Variants in ROBO2 observed in about 807,000 individuals in gnomAD.
The protein encoded by ROBO2 is roundabout homolog 2.
ROBO2 carries 53 observed loss-of-function variants against 160.8 expected under a neutral mutation model. The ratio of observed to expected loss-of-function variants is 0.33; its 90% CI spans 0.26 to 0.41. The LOEUF (loss-of-function observed/expected upper bound fraction) is 0.41. ROBO2 is among the 10% of genes least tolerant of loss of function. ROBO2 has a pLI of 1.00. For missense variants in ROBO2, 1,577 were observed against 1,722.4 expected, an observed-to-expected ratio of 0.92 and a Z score of 1.49; for synonymous variants, 664 against 611.7, an observed-to-expected ratio of 1.09 and a Z score of -1.26.
At chr3:75,978,212 A>T (rs1387554481) in intron 2 of ROBO2, among the ~76,000 whole-genome samples, 8 of 151,514 alleles carry the variant, frequency 5.3e-5, no homozygotes. Flanking sequence ...GGCTTTTGTT[A>T]AACATTTCAC....
chr3:77,415,056 C>T (rs1346630505), intron 2 of ROBO2, among the ~76,000 whole-genome samples: 1 of 152,164 alleles, frequency 6.6e-6, no homozygotes, highest in Non-Finnish European at 1.5e-5. Context: ...GATCCCACAA[C>T]AGGAAAGAAT....
intron 24 of ROBO2, among the ~76,000 whole-genome samples, chr3:77,640,498 A>G (rs1475714641): frequency 1.3e-5 from 2 of 152,202 alleles, no homozygotes; most frequent in Non-Finnish European, 1.5e-5. Flanking sequence ...GGAACTGTCC[A>G]GTGTAGCTCT....
At chr3:76,283,151 TAAAACTAC>T (rs1559717376) in intron 2 of ROBO2, among the ~76,000 whole-genome samples, 9 of 137,500 alleles carry the variant, frequency 6.5e-5, no homozygotes, top group East Asian at 2.3e-4. Context: ...TATATATATA[TAAAACTAC>T]ATATATATAG....
intron 2 of ROBO2, among the ~76,000 whole-genome samples, chr3:77,399,124 G>A (rs2075567212): frequency 6.6e-6 from 1 of 151,958 alleles, no homozygotes; most frequent in East Asian, 1.9e-4. Flanking sequence ...CCTTCTTTCA[G>A]TTCTCATTAG....
intron 1 of ROBO2, among the ~76,000 whole-genome samples, chr3:75,934,071 C>T (rs944342346): frequency 6.6e-6 from 1 of 152,130 alleles, no homozygotes; most frequent in African/African-American, 2.4e-5. Flanking sequence ...TTGGATAAGA[C>T]GAGAAGTAAT....
In ROBO2 at chr3:77,119,882, T is replaced by C. The variant is rs75209318; in HGVS notation, c.388+21542T>C. Among the ~76,000 whole-genome samples, 851 of 152,348 alleles carry C rather than the reference T, an allele frequency of 5.6e-3. 7 individuals are homozygous for C. The highest frequency in any genetic ancestry group is 0.018 in the African/African-American group (768 of 41,572). Reference sequence around the variant, plus strand: ...CACATTGACATTGTCCAGTTTCATATAGTAAAATGTAATTCAGAAAGACAC... The same window carrying C: ...CACATTGACATTGTCCAGTTTCATACAGTAAAATGTAATTCAGAAAGACAC... On this transcript the variant is annotated intron_variant, in intron 2 of 25. Coordinates refer to ENST00000461745, the Ensembl canonical transcript of ROBO2.
intron 2 of ROBO2, among the ~76,000 whole-genome samples, chr3:76,960,061 A>G (rs1377048686): frequency 1.3e-5 from 2 of 152,076 alleles, no homozygotes; most frequent in South Asian, 2.1e-4. Context: ...GATTTGATAT[A>G]TTTTCTGAGT....
chr3:76,893,295 T>C (rs2074498820), intron 2 of ROBO2, among the ~76,000 whole-genome samples: 1 of 146,792 alleles, frequency 6.8e-6, no homozygotes, highest in Non-Finnish European at 1.5e-5. Flanking sequence ...AAAACAAATT[T>C]AGAACTTTTC....
intron 2 of ROBO2, among the ~76,000 whole-genome samples, chr3:76,449,861 T>C (rs1475799342): frequency 6.6e-6 from 1 of 152,088 alleles, no homozygotes; most frequent in African/African-American, 2.4e-5. Flanking sequence ...ATATTGGATA[T>C]TTACAACATA....
At chr3:77,030,937 C>T (rs1040914133) in intron 2 of ROBO2, among the ~76,000 whole-genome samples, 3 of 152,164 alleles carry the variant, frequency 2.0e-5, no homozygotes, top group Admixed American at 2.0e-4. Flanking sequence ...AGTCATTTTG[C>T]TTTAGCCGGC....
At chr3:77,327,229 G>A (rs920453554) in intron 2 of ROBO2, among the ~76,000 whole-genome samples, 1 of 152,144 alleles carries the variant, frequency 6.6e-6, no homozygotes, top group African/African-American at 2.4e-5. Context: ...CATAGCGGCA[G>A]TTCTATGAGA....
chr3:77,283,660 A>T (rs1324042395), intron 2 of ROBO2, among the ~76,000 whole-genome samples: 6 of 152,172 alleles, frequency 3.9e-5, no homozygotes, highest in Non-Finnish European at 8.8e-5. Context: ...AGATCAGTGA[A>T]ATCTAGCTTT....
intron 2 of ROBO2, among the ~76,000 whole-genome samples, chr3:76,254,980 G>C (rs551959161): frequency 1.6e-4 from 25 of 152,066 alleles, no homozygotes; most frequent in African/African-American, 6.0e-4. Context: ...AAGAGAACTT[G>C]GTAATTGATG....
intron 2 of ROBO2, among the ~76,000 whole-genome samples, chr3:76,591,023 G>T (rs1003016451): frequency 2.5e-4 from 38 of 152,120 alleles, no homozygotes; most frequent in African/African-American, 9.2e-4. Context: ...GAGGTTTGGG[G>T]TTGCCTACTC....
chr3:77,534,807 T>C (rs979993578), intron 6 of ROBO2, among the ~76,000 whole-genome samples: 31 of 152,212 alleles, frequency 2.0e-4, no homozygotes, highest in African/African-American at 7.2e-4. Flanking sequence ...TAGCTCTTTG[T>C]CAGTAAATAC....
At chr3:75,992,501 A>G (rs596147) in intron 2 of ROBO2, among the ~76,000 whole-genome samples, 117,565 of 152,120 alleles carry the variant, frequency 0.77, 46,622 homozygotes, top group East Asian at 0.97. Flanking sequence ...AGGATGTATG[A>G]AACCATCTGT....
At chr3:77,476,522 A>C (rs945805119) in intron 2 of ROBO2, among the ~76,000 whole-genome samples, 4 of 152,052 alleles carry the variant, frequency 2.6e-5, no homozygotes, top group Non-Finnish European at 5.9e-5. Context: ...TATATGGTAC[A>C]TTTGCTGATC....
chr3:76,567,763 C>CTGTGTGTGTGTGTGTG (rs71101900), intron 2 of ROBO2, among the ~76,000 whole-genome samples: 9 of 88,368 alleles, frequency 1.0e-4, no homozygotes, highest in African/African-American at 4.0e-4. Flanking sequence ...ATATATCTGT[C>CTGTGTGTGTGTGTGTG]TGTGTGTGTG....
intron 2 of ROBO2, among the ~76,000 whole-genome samples, chr3:77,229,708 C>G (rs913549952): frequency 5.3e-5 from 8 of 151,440 alleles, no homozygotes; most frequent in African/African-American, 1.9e-4. Context: ...TGGACTAGCT[C>G]ATCATGGTGA....
Sources: gnomAD v4.1 joint callset for allele counts (sites outside exome capture counted in the v4.1 genomes callset) on GRCh38, gnomAD v4.1.1 for gene constraint, MANE v1.5 for transcripts, NCBI Gene and HGNC (gene_info 2026-07-23, HGNC 2026-07-21) for gene names.